The following DLG2 variants were observed in gnomAD, a reference collection of about 807,000 sequenced individuals.
DLG2 encodes disks large homolog 2.
DLG2 carries 45 observed loss-of-function variants against 132.5 expected under a neutral mutation model. That is an observed-to-expected ratio of 0.34 (90% CI 0.27 to 0.44). The LOEUF is 0.44. Ranked by LOEUF, DLG2 falls within the 20% of genes least tolerant of loss-of-function variation. The probability of loss-of-function intolerance (pLI) is 1.00; values close to 1 mark genes in which losing one functional copy is unlikely to be tolerated. For missense variants in DLG2, 1,045 were observed against 1,196.9 expected, an observed-to-expected ratio of 0.87 and a Z score of 1.87; for synonymous variants, 424 against 419.6, an observed-to-expected ratio of 1.01 and a Z score of -0.13.
chr11:85,182,670 A>G (rs921442108), intron 4 of DLG2, among the ~76,000 whole-genome samples: 1 of 151,624 alleles, frequency 6.6e-6, no homozygotes, highest in African/African-American at 2.4e-5. Context: ...CTATTATTCT[A>G]AAGTGGAAAT....
At chr11:83,911,905 T>C (rs945355957) in intron 15 of DLG2, among the ~76,000 whole-genome samples, 1 of 152,094 alleles carries the variant, frequency 6.6e-6, no homozygotes, top group Non-Finnish European at 1.5e-5. Flanking sequence ...TGTTTCCTTA[T>C]TTTGGTGTTT....
chr11:83,478,079 T>C (rs988681309), intron 22 of DLG2, among the ~76,000 whole-genome samples: 2 of 152,106 alleles, frequency 1.3e-5, no homozygotes, highest in Non-Finnish European at 2.9e-5. Flanking sequence ...TATATCTCTC[T>C]CCTACTATTA....
At chr11:83,548,118 G>A (rs146085762) in intron 19 of DLG2, among the ~76,000 whole-genome samples, 327 of 152,268 alleles carry the variant, frequency 2.1e-3, no homozygotes, top group Non-Finnish European at 3.7e-3. Context: ...GTGGTGGAAA[G>A]CTTAGTAGAA....
At chr11:83,903,387 T>C (rs2073979644) in intron 15 of DLG2, among the ~76,000 whole-genome samples, 1 of 152,170 alleles carries the variant, frequency 6.6e-6, no homozygotes, top group Non-Finnish European at 1.5e-5. Flanking sequence ...CAGAGCTTCA[T>C]CTGATAGAGT....
chr11:84,720,148 C>T (rs528933135), intron 6 of DLG2: 2 of 553,328 alleles, frequency 3.6e-6, no homozygotes, highest in African/African-American at 2.0e-5. Context: ...ATCTCTTGGC[C>T]CCCAAACCCA....
intron 19 of DLG2, among the ~76,000 whole-genome samples, chr11:83,601,510 CTTTTTTTTT>C (rs71066054): frequency 1.1e-5 from 1 of 94,538 alleles, no homozygotes; most frequent in Non-Finnish European, 1.9e-5. Context: ...ATGTGATGTT[CTTTTTTTTT>C]TTTTTTTTTT....
intron 6 of DLG2, among the ~76,000 whole-genome samples, chr11:84,714,543 TTCTCTTTCTC>T (rs1277682105): frequency 1.2e-5 from 1 of 80,552 alleles, no homozygotes; most frequent in Non-Finnish European, 2.3e-5. Context: ...CTCTTTCTCT[TTCTCTTTCTC>T]TCTCTTTCTC....
intron 18 of DLG2, among the ~76,000 whole-genome samples, chr11:83,731,941 C>T (rs976719528): frequency 1.3e-5 from 2 of 152,192 alleles, no homozygotes; most frequent in Non-Finnish European, 2.9e-5. Context: ...GCATTTGCCA[C>T]ACAATAGTCA....
chr11:84,347,312 C>A lies in DLG2; in HGVS notation c.520-96021G>T, dbSNP rs573972312. Among the ~76,000 whole-genome samples, 44 of 152,320 alleles carry A rather than the reference C, an allele frequency of 2.9e-4. 1 individual carries two copies. The highest frequency in any genetic ancestry group is 2.3e-3 in the Admixed American group (35 of 15,298). On this transcript the variant is annotated intron_variant, in intron 7 of 27. Transcript: ENST00000376104. Reference sequence around the variant, plus strand: ...ATACATTGTATATCGAGATTTCTATCATGCCCACAACGTAAGCCATTTACT... The same window carrying A: ...ATACATTGTATATCGAGATTTCTATAATGCCCACAACGTAAGCCATTTACT...
chr11:85,107,762 C>T (rs971789712), intron 6 of DLG2, among the ~76,000 whole-genome samples: 8 of 151,506 alleles, frequency 5.3e-5, no homozygotes, highest in African/African-American at 1.9e-4. Flanking sequence ...TATAGCCGCA[C>T]GATAGGAGAG....
intron 8 of DLG2, among the ~76,000 whole-genome samples, chr11:84,195,399 C>T (rs796458948): frequency 6.6e-6 from 1 of 152,122 alleles, no homozygotes; most frequent in South Asian, 2.1e-4. Flanking sequence ...CTCTTGACCT[C>T]GTGATCCACC....
intron 6 of DLG2, among the ~76,000 whole-genome samples, chr11:84,845,950 GTGAGCTACTGCACCAGGCC>G (rs1406742292): frequency 1.3e-5 from 2 of 151,994 alleles, no homozygotes; most frequent in Non-Finnish European, 2.9e-5. Flanking sequence ...GATTACAGGT[GTGAGCTACTGCACCAGGCC>G]TGATATTTAC....
chr11:83,634,909 A>G (rs1295435930), intron 18 of DLG2, among the ~76,000 whole-genome samples: 1 of 152,216 alleles, frequency 6.6e-6, no homozygotes. Context: ...TATTATCCAG[A>G]TTTGGAAGGC....
At chr11:84,587,441 T>C (rs944237535) in intron 6 of DLG2, among the ~76,000 whole-genome samples, 1 of 152,248 alleles carries the variant, frequency 6.6e-6, no homozygotes, top group Admixed American at 6.5e-5. Context: ...CATTTTTTAC[T>C]ATTAAAACAG....
chr11:84,813,329 G>A (rs1205561723), intron 6 of DLG2, among the ~76,000 whole-genome samples: 1 of 151,936 alleles, frequency 6.6e-6, no homozygotes, highest in Admixed American at 6.6e-5. Flanking sequence ...CCATTATAAT[G>A]AACCTTCATA....
intron 8 of DLG2, among the ~76,000 whole-genome samples, chr11:84,242,081 C>G (rs1158035040): frequency 6.6e-6 from 1 of 152,148 alleles, no homozygotes; most frequent in African/African-American, 2.4e-5. Context: ...GTTTCTCTGT[C>G]CAGGTAGGTA....
chr11:84,016,938 A>G (rs1036717282), intron 11 of DLG2, among the ~76,000 whole-genome samples: 6 of 152,096 alleles, frequency 3.9e-5, no homozygotes, highest in Non-Finnish European at 8.8e-5. Flanking sequence ...TACTTTGAGA[A>G]CATAGAGGAG....
At chr11:84,668,697 T>C (rs7112184) in intron 6 of DLG2, among the ~76,000 whole-genome samples, 72,672 of 151,942 alleles carry the variant, frequency 0.48, 18,045 homozygotes, top group East Asian at 0.64. Context: ...TAATATTTTA[T>C]CGCTGACTCT....
intron 7 of DLG2, among the ~76,000 whole-genome samples, chr11:84,399,315 C>A (rs2098821601): frequency 6.6e-6 from 1 of 152,144 alleles, no homozygotes; most frequent in African/African-American, 2.4e-5. Flanking sequence ...CCTTTGTAGA[C>A]ACTTTCATTC....
Sources: allele counts gnomAD v4.1 joint callset (sites outside exome capture counted in the v4.1 genomes callset), GRCh38; gene constraint gnomAD v4.1.1; transcripts MANE v1.5; gene names NCBI Gene and HGNC (gene_info 2026-07-23, HGNC 2026-07-21).